The following MIPOL1 variants were observed in gnomAD, a reference collection of about 807,000 sequenced individuals.
MIPOL1 encodes the protein mirror-image polydactyly gene 1 protein.
MIPOL1 carries 57 observed loss-of-function variants against 60.9 expected under a neutral mutation model. That is an observed-to-expected ratio of 0.94 (90% CI 0.76 to 1.17). The LOEUF (loss-of-function observed/expected upper bound fraction) is 1.17. Among genes scored for constraint, MIPOL1 ranks in the 50% most tolerant of loss-of-function variants. The pLI is 0.00. For synonymous variants in MIPOL1, 179 were observed against 168.8 expected (o/e 1.06, Z -0.47); for missense variants, 551 against 511.6 (o/e 1.08, Z -0.74).
intron 10 of MIPOL1, among the ~76,000 whole-genome samples, chr14:37,421,926 T>G (rs147422758): frequency 3.9e-5 from 6 of 152,160 alleles, no homozygotes; most frequent in African/African-American, 7.2e-5. Flanking sequence ...TTTTTAATTG[T>G]TGGTGGTGTC....
chr14:37,280,073 A>G (rs993350955), intron 6 of MIPOL1, among the ~76,000 whole-genome samples: 6 of 152,168 alleles, frequency 3.9e-5, no homozygotes, highest in African/African-American at 1.4e-4. Context: ...TTCGCCTAGC[A>G]TAGTGTCCTC....
chr14:37,244,564 T>C (rs1380497079), intron 1 of MIPOL1, among the ~76,000 whole-genome samples: 1 of 151,884 alleles, frequency 6.6e-6, no homozygotes, highest in Admixed American at 6.6e-5. Context: ...TTTAAATAGG[T>C]GATTTTTTCC....
At chr14:37,294,828 T>C (rs1015753322) in intron 7 of MIPOL1, among the ~76,000 whole-genome samples, 2 of 151,982 alleles carry the variant, frequency 1.3e-5, no homozygotes, top group Admixed American at 6.6e-5. Context: ...CTACATCTAA[T>C]TGGTGTACCT....
At chr14:37,325,551 A>C (rs2089072358) in intron 9 of MIPOL1, among the ~76,000 whole-genome samples, 2 of 116,984 alleles carry the variant, frequency 1.7e-5, no homozygotes, top group Admixed American at 9.8e-5. Context: ...CTCCTCCTCT[A>C]CCTCCTCTTC....
intron 10 of MIPOL1, among the ~76,000 whole-genome samples, chr14:37,417,760 C>T (rs979792464): frequency 2.6e-5 from 4 of 152,046 alleles, no homozygotes; most frequent in Admixed American, 1.3e-4. Flanking sequence ...CTAGCTTAAT[C>T]ATATATATTT....
chr14:37,336,263 C>T (rs2090106860), intron 9 of MIPOL1, among the ~76,000 whole-genome samples: 3 of 151,472 alleles, frequency 2.0e-5, no homozygotes, highest in African/African-American at 7.3e-5. Context: ...TTCTGTTTTA[C>T]TGGTCTACAT....
At chr14:37,218,937 AAAAAAG>A (rs1191683687) in intron 1 of MIPOL1, among the ~76,000 whole-genome samples, 5 of 151,684 alleles carry the variant, frequency 3.3e-5, no homozygotes, top group African/African-American at 9.7e-5. Flanking sequence ...AAAAAAAAAA[AAAAAAG>A]AAAAAAGAAA....
intron 11 of MIPOL1, among the ~76,000 whole-genome samples, chr14:37,472,069 AT>A (rs1257893754): frequency 6.6e-6 from 1 of 152,210 alleles, no homozygotes; most frequent in African/African-American, 2.4e-5. Flanking sequence ...CAGCAATTCA[AT>A]TAATCAAGTA....
chr14:37,403,432 C>CTTT lies in MIPOL1; in HGVS notation c.937-19404_937-19402dup, dbSNP rs11415779. The stretch of plus-strand genomic sequence containing the variant: ...AGAATGTGATAAGAGAGGTTTCTAG[C>CTTT]TTTTTTTTTTTTTTTTTTTTTCAAG... On this transcript the variant is annotated intron_variant, in intron 10 of 12. Transcript: ENST00000684589. Among the ~76,000 whole-genome samples, 138 of 94,090 alleles carry CTTT rather than the reference C, an allele frequency of 1.5e-3. 2 individuals carry two copies. The highest frequency in any genetic ancestry group is 2.0e-3 in the East Asian group (5 of 2,472). The allele number at this position is 94,090 out of a possible 152,430, so 61.7% of individuals were successfully genotyped here.
chr14:37,483,459 A>G (rs1157427092), intron 11 of MIPOL1, among the ~76,000 whole-genome samples: 1 of 152,014 alleles, frequency 6.6e-6, no homozygotes, highest in East Asian at 1.9e-4. Flanking sequence ...TTTTTCATCC[A>G]TGGTTGGTTG....
chr14:37,200,898 G>GTGTGTGTGT (rs1566965436), intron 1 of MIPOL1, among the ~76,000 whole-genome samples: 2 of 42,428 alleles, frequency 4.7e-5, no homozygotes, highest in Admixed American at 2.6e-4. Context: ...GTGTGTGTGT[G>GTGTGTGTGT]TATTTTTTTT....
At chr14:37,523,203 C>A (rs541213367) in intron 12 of MIPOL1, among the ~76,000 whole-genome samples, 4 of 152,142 alleles carry the variant, frequency 2.6e-5, no homozygotes, top group African/African-American at 9.6e-5. Context: ...ATAGCTAGCC[C>A]ATCTGTCTGC....
chr14:37,367,932 G>T (rs561643317), intron 9 of MIPOL1, among the ~76,000 whole-genome samples: 1 of 151,864 alleles, frequency 6.6e-6, no homozygotes, highest in Non-Finnish European at 1.5e-5. Flanking sequence ...TTTGTTACTG[G>T]CTATAAAAGA....
chr14:37,288,187 A>G (rs1043764619), intron 7 of MIPOL1, among the ~76,000 whole-genome samples: 1 of 150,908 alleles, frequency 6.6e-6, no homozygotes, highest in Non-Finnish European at 1.5e-5. Flanking sequence ...TTTGTTTTTT[A>G]ATAGAGATGG....
rs549945470 is a variant in MIPOL1, at chr14:37,271,868, T to C, written c.493+1343T>C. Among the ~76,000 whole-genome samples the C allele has an allele frequency of 1.6e-3, 240 of 151,822 alleles. 1 individual carries two copies. Among genetic ancestry groups the C allele is most frequent in the Non-Finnish European group, 2.6e-3 (176 of 67,660 alleles). Reference sequence around the variant, plus strand: ...ATAAGATTAGGGTTTTCATAACCTATTGATAATCATGAATTAATGTGTCTG... The same window carrying C: ...ATAAGATTAGGGTTTTCATAACCTACTGATAATCATGAATTAATGTGTCTG... On this transcript the variant is annotated intron_variant, in intron 6 of 12. Coordinates refer to ENST00000684589, the MANE Select transcript of MIPOL1 (RefSeq NM_001388067.1).
chr14:37,434,732 G>A (rs1471542962), intron 11 of MIPOL1, among the ~76,000 whole-genome samples: 1 of 151,762 alleles, frequency 6.6e-6, no homozygotes, highest in African/African-American at 2.4e-5. Context: ...GTCTCAAGAT[G>A]CAGAATTTCT....
chr14:37,235,288 T>C (rs35412613), intron 1 of MIPOL1, among the ~76,000 whole-genome samples: 32,208 of 152,100 alleles, frequency 0.21, 3,840 homozygotes, highest in South Asian at 0.32. Flanking sequence ...TGTAGTGAGA[T>C]CTAATGATCC....
At chr14:37,435,946 T>A (rs531886219) in intron 11 of MIPOL1, among the ~76,000 whole-genome samples, 5 of 152,298 alleles carry the variant, frequency 3.3e-5, no homozygotes, top group East Asian at 1.9e-4. Context: ...TTAATTTTTT[T>A]AAAATAGATT....
intron 9 of MIPOL1, among the ~76,000 whole-genome samples, chr14:37,342,408 AT>A (rs1008918328): frequency 4.1e-4 from 59 of 144,222 alleles, no homozygotes; most frequent in Admixed American, 6.2e-4. Context: ...GCAAATCACA[AT>A]TTTTTTTTTT....
Sources: gnomAD v4.1 joint callset for allele counts (sites outside exome capture counted in the v4.1 genomes callset) on GRCh38, gnomAD v4.1.1 for gene constraint, MANE v1.5 for transcripts, NCBI Gene and HGNC (gene_info 2026-07-23, HGNC 2026-07-21) for gene names.